Variants in TMEM67 observed in about 807,000 individuals in gnomAD.
The protein encoded by TMEM67 is meckelin.
A neutral mutation model predicts 136.6 loss-of-function variants in TMEM67; 124 were observed. That is an observed-to-expected ratio of 0.91 (90% confidence interval 0.78 to 1.05). The LOEUF (loss-of-function observed/expected upper bound fraction) is 1.05. Among genes scored for constraint, TMEM67 ranks in the 50% least tolerant of loss-of-function variants. The probability of loss-of-function intolerance (pLI) is 0.00; values close to 1 mark genes in which losing one functional copy is unlikely to be tolerated. For synonymous variants in TMEM67, 364 were observed against 390.5 expected (o/e 0.93, Z 0.80); for missense variants, 1,107 against 1,178.4 (o/e 0.94, Z 0.89).
At chr8:93,803,226 C>T (rs886124768) in intron 21 of TMEM67, among the ~76,000 whole-genome samples, 6 of 152,020 alleles carry the variant, frequency 3.9e-5, no homozygotes, top group African/African-American at 1.4e-4. Flanking sequence ...AAAAGTAGAG[C>T]ATTTTCTCAT....
At chr8:93,830,748 G>A in the TMEM67 span, among the ~76,000 whole-genome samples, 3 of 152,202 alleles carry the variant, frequency 2.0e-5, no homozygotes, top group Non-Finnish European at 4.4e-5. Flanking sequence ...AATATAACAA[G>A]CCAAGCCCAG....
chr8:93,811,293 G>A (rs1448953783), intron 26 of TMEM67: 1 of 151,578 alleles, frequency 6.6e-6, no homozygotes, highest in Non-Finnish European at 1.5e-5. Flanking sequence ...GTAGCTGTTT[G>A]TCAATCAAGA....
chr8:93,820,890 G>A (rs531600135), downstream of TMEM67, among the ~76,000 whole-genome samples: 1 of 152,260 alleles, frequency 6.6e-6, no homozygotes, highest in East Asian at 1.9e-4. Flanking sequence ...CCACACAGTT[G>A]TCTATGGGTT....
chr8:93,755,022 C>T lies in TMEM67; in HGVS notation c.108C>T (p.Ala36=). ...LLLFLPRFLQ[A]QTFSFPFQQP... ...TGTTCCTCCCTCGCTTCTTACAGGC[C>T]CAGACCTTCTCTTTCCCTTTCCAGC... Residue 36 remains alanine, a synonymous_variant, in exon 1 of 28, where the codon GCC becomes GCT. Coordinates refer to ENST00000453321, the MANE Select transcript of TMEM67 (RefSeq NM_153704.6). 6.2e-7 allele frequency: 1 copy of T among 1,614,184 alleles called. No homozygotes were observed.
Position 93,808,944 on chromosome 8 carries a change from G to A in TMEM67, c.2544G>A (p.Glu848=). 1 of 1,599,962 alleles carries A rather than the reference G, an allele frequency of 6.3e-7. No individual in the cohort carries two copies. The highest frequency in any genetic ancestry group is 8.6e-7 in the Non-Finnish European group (1 of 1,167,368). ...GACAACATTATGACAGAATTCATGA[G>A]ACACTAATAAGGGTTTGTATAAAGT... ...QMRQHYDRIH[E]TLIRKNGPAR... Residue 848 remains glutamate, a synonymous_variant, in exon 24 of 28, where the codon GAG becomes GAA. Coordinates refer to ENST00000453321, the MANE Select transcript of TMEM67 (RefSeq NM_153704.6).
chr8:93,776,400 T>G (rs1043944195), intron 7 of TMEM67, among the ~76,000 whole-genome samples: 1 of 151,968 alleles, frequency 6.6e-6, no homozygotes. Flanking sequence ...TGAATAGGAG[T>G]GGTGAGAGAG....
At chr8:93,755,280 A>G in intron 1 of TMEM67, 143 bp downstream of exon 1, 2 of 847,758 alleles carry the variant, frequency 2.4e-6, no homozygotes, top group Non-Finnish European at 3.9e-6. Flanking sequence ...TCCGCCTCCC[A>G]AAGTGCTGGG....
At chr8:93,774,764 G>A (rs765898687) in intron 7 of TMEM67, among the ~76,000 whole-genome samples, 1 of 152,172 alleles carries the variant, frequency 6.6e-6, no homozygotes, top group Non-Finnish European at 1.5e-5. Context: ...TATCATTGAT[G>A]GACATTTGGG....
Position 93,818,085 on chromosome 8 carries a change from T to C in TMEM67, c.*1633T>C, listed in dbSNP as rs1808972023. The C allele has an allele frequency of 6.6e-6, 1 of 152,218 alleles. No homozygotes were observed. The highest frequency in any genetic ancestry group is 1.5e-5 in the Non-Finnish European group (1 of 68,034). The allele number at this position is 152,218 out of a possible 1,614,324, so 9.4% of individuals were successfully genotyped here. ...CTAAATTTTGTATGATATTTTTATT[T>C]TGGCTAGGTGCATAAAAATGTGTTC... is the stretch of plus-strand genomic sequence containing the variant. On this transcript the variant is annotated 3_prime_UTR_variant, in exon 28 of 28. Coordinates refer to ENST00000453321, the MANE Select transcript of TMEM67 (RefSeq NM_153704.6).
intron 7 of TMEM67, among the ~76,000 whole-genome samples, chr8:93,773,262 C>T (rs907795814): frequency 6.6e-6 from 1 of 152,042 alleles, no homozygotes; most frequent in South Asian, 2.1e-4. Flanking sequence ...AAGGAGGAGG[C>T]TGGAGTGGCT....
intron 3 of TMEM67, among the ~76,000 whole-genome samples, chr8:93,760,664 G>A (rs1812786993): frequency 6.9e-6 from 1 of 145,836 alleles, no homozygotes; most frequent in Non-Finnish European, 1.5e-5. Flanking sequence ...AATATAGAGA[G>A]ACTCTGTGTC....
At chr8:93,826,424 C>T in the TMEM67 span, among the ~76,000 whole-genome samples, 2 of 152,040 alleles carry the variant, frequency 1.3e-5, no homozygotes, top group Non-Finnish European at 1.5e-5. Context: ...CCTTGAGGGA[C>T]TCTGTAAATA....
chr8:93,789,329 C>T (rs145952096), intron 14 of TMEM67, among the ~76,000 whole-genome samples: 1 of 152,206 alleles, frequency 6.6e-6, no homozygotes, highest in Admixed American at 6.5e-5. Context: ...GTTGACTGAG[C>T]TTGTATACAC....
chr8:93,779,442 GTTT>G (rs1813709623), intron 7 of TMEM67, among the ~76,000 whole-genome samples: 1 of 152,088 alleles, frequency 6.6e-6, no homozygotes, highest in Non-Finnish European at 1.5e-5. Context: ...AGGCACTCTG[GTTT>G]TTAGAATTTT....
the TMEM67 span, among the ~76,000 whole-genome samples, chr8:93,826,572 G>A: frequency 6.6e-6 from 1 of 152,196 alleles, no homozygotes; most frequent in Non-Finnish European, 1.5e-5. Flanking sequence ...TGAACTGGAA[G>A]TTCAAAAGTT....
Position 93,809,134 on chromosome 8 carries a change from T to A in TMEM67, c.2634T>A (p.Asn878Lys), listed in dbSNP as rs192288680. 1 of 1,604,462 alleles carries A rather than the reference T, an allele frequency of 6.2e-7. No homozygotes were observed. Among genetic ancestry groups the A allele is most frequent in the African/African-American group, 1.3e-5 (1 of 74,752 alleles). The part of the protein sequence containing the change: ...EQSIKAYHMM[N>K]KFLGSFIDHV... The stretch of plus-strand genomic sequence containing the variant: ...GTATAAAAGCATATCATATGATGAA[T>A]AAATTTCTTGGCTCCTTCATTGACC... The change falls in exon 25 of 28, where the codon AAT (asparagine) becomes AAA (lysine). Residue 878 changes from asparagine to lysine, a missense_variant. Asn to Lys is a moderately conservative substitution (Grantham distance 94, BLOSUM62 0). Around this residue, in one of 3 missense-constraint regions of TMEM67, gnomAD observed 925 missense variants for 1,002.4 expected, o/e 0.92. Transcript: ENST00000453321.
At position 93,755,775 on chromosome 8, in the gene TMEM67, T is replaced by TTTA; in HGVS notation, c.224-3_224-2insTTA. Reference sequence around the variant, plus strand: ...GCTTTTTTTTTTTTTTTTTTTTTTTTAGGAACTTCATGTGTATGTCTACCA... The same window carrying TTTA: ...GCTTTTTTTTTTTTTTTTTTTTTTTTTTAAGGAACTTCATGTGTATGTCTACCA... On this transcript the variant is annotated splice_polypyrimidine_tract_variant and splice_region_variant and intron_variant, in intron 1 of 27. Transcript: ENST00000453321. 7.8e-7 allele frequency: 1 copy of TTTA among 1,281,726 alleles called. No homozygotes were observed. The allele number at this position is 1,281,726 out of a possible 1,614,324, so 79.4% of individuals were successfully genotyped here.
chr8:93,810,036 T>C lies in TMEM67; in HGVS notation c.2764+149T>C, dbSNP rs562980038. On this transcript the variant is annotated intron_variant, in intron 26 of 27. Coordinates refer to ENST00000453321, the MANE Select transcript of TMEM67 (RefSeq NM_153704.6). ...CAGGCTGGAGTGCAGTGGCACGATC[T>C]CAGCTTACTGCAAGCTCCGCCTCCC... 595 of 508,770 alleles carry C rather than the reference T, an allele frequency of 1.2e-3. 12 individuals carry two copies. The South Asian group carries it at 0.013, about 11-fold the overall frequency. The allele number at this position is 508,770 out of a possible 1,614,324, so 31.5% of individuals were successfully genotyped here.
intron 7 of TMEM67, among the ~76,000 whole-genome samples, chr8:93,777,366 G>C (rs578259971): frequency 6.6e-6 from 1 of 151,824 alleles, no homozygotes; most frequent in African/African-American, 2.4e-5. Context: ...TTCTCCTCTG[G>C]TCTTAGTTAT....
Sources: allele counts gnomAD v4.1 joint callset (sites outside exome capture counted in the v4.1 genomes callset), GRCh38; gene constraint gnomAD v4.1.1; regional missense constraint gnomAD v4.1.1; transcripts MANE v1.5; gene names NCBI Gene and HGNC (gene_info 2026-07-23, HGNC 2026-07-21).